Variants in MPPED2 observed in about 807,000 individuals in gnomAD.
MPPED2 encodes the protein metallophosphoesterase domain containing 2, also known as metallophosphoesterase MPPED2.
A neutral mutation model predicts 33.0 loss-of-function variants in MPPED2; 5 were observed. The observed-to-expected ratio is 0.15, with a 90% CI of 0.08 to 0.32. The LOEUF (loss-of-function observed/expected upper bound fraction) is 0.32. MPPED2 is among the 10% of genes least tolerant of loss of function. MPPED2 has a pLI of 1.00. For missense variants in MPPED2, 275 were observed against 372.1 expected, an observed-to-expected ratio of 0.74 and a Z score of 2.15; for synonymous variants, 136 against 141.9, an observed-to-expected ratio of 0.96 and a Z score of 0.29.
At chr11:30,465,380 C>T (rs1008014169) in intron 4 of MPPED2, among the ~76,000 whole-genome samples, 5 of 152,210 alleles carry the variant, frequency 3.3e-5, no homozygotes, top group African/African-American at 1.2e-4. Flanking sequence ...ATCAGCCTCC[C>T]TGGCTCAAGC....
chr11:30,579,929 A>G (rs1957091096), intron 2 of MPPED2, among the ~76,000 whole-genome samples: 1 of 152,132 alleles, frequency 6.6e-6, no homozygotes, highest in South Asian at 2.1e-4. Flanking sequence ...AGTCTCAGGC[A>G]AATTCGCTGT....
At chr11:30,464,274 C>CACACACACAA (rs1219639630) in intron 4 of MPPED2, among the ~76,000 whole-genome samples, 10 of 149,950 alleles carry the variant, frequency 6.7e-5, no homozygotes, top group African/African-American at 2.5e-4. Flanking sequence ...TACTAACACA[C>CACACACACAA]ACACACACAC....
At position 30,569,334 on chromosome 11, in the gene MPPED2, T is replaced by C. The variant is rs1956592654; in HGVS notation, c.128+10912A>G. Among the ~76,000 whole-genome samples, 21 of 152,204 alleles carry C rather than the reference T, an allele frequency of 1.4e-4. 1 individual carries two copies. The highest frequency in any genetic ancestry group is 1.4e-3 in the Admixed American group (21 of 15,280). ...AACAGGATACCCAAGCCTTTACATGTATTTTACATGAAGAAAGCATTAGAC... is the reference window on the plus strand; with the variant it reads ...AACAGGATACCCAAGCCTTTACATGCATTTTACATGAAGAAAGCATTAGAC... On this transcript the variant is annotated intron_variant, in intron 2 of 6. Coordinates refer to ENST00000358117, the MANE Select transcript of MPPED2 (RefSeq NM_001584.3).
chr11:30,489,315 T>A (rs191408323), intron 4 of MPPED2, among the ~76,000 whole-genome samples: 1 of 152,370 alleles, frequency 6.6e-6, no homozygotes, highest in Non-Finnish European at 1.5e-5. Context: ...CATAAAGTAC[T>A]ATTGCACTGA....
intron 2 of MPPED2, among the ~76,000 whole-genome samples, chr11:30,539,732 C>T (rs113405324): frequency 0.024 from 3,703 of 152,228 alleles, 135 homozygotes; most frequent in African/African-American, 0.084. Context: ...GCAATCCTCC[C>T]ACCGCAGCTT....
chr11:30,483,484 CA>C (rs1951583892), intron 4 of MPPED2, among the ~76,000 whole-genome samples: 1 of 151,966 alleles, frequency 6.6e-6, no homozygotes, highest in Non-Finnish European at 1.5e-5. Context: ...ATCATAACAC[CA>C]AAGGAAAAGA....
At position 30,578,076 on chromosome 11, in the gene MPPED2, GT is replaced by G. The variant is rs199531271; in HGVS notation, c.128+2169del. 9.4e-3 allele frequency among the ~76,000 whole-genome samples: 1,428 copies of G among 152,296 alleles called. 28 individuals carry two copies. The highest frequency in any genetic ancestry group is 0.052 in the Admixed American group (800 of 15,298). ...AATAATAATGGAGGTGGTATAAAGTGTTGCCAAGTAACTTGGGCAGGCATGA... is the reference window on the plus strand; with the variant it reads ...AATAATAATGGAGGTGGTATAAAGTGTGCCAAGTAACTTGGGCAGGCATGA... On this transcript the variant is annotated intron_variant, in intron 2 of 6. Transcript: ENST00000358117.
intron 6 of MPPED2, among the ~76,000 whole-genome samples, chr11:30,389,881 C>G (rs1331199668): frequency 6.6e-6 from 1 of 152,076 alleles, no homozygotes; most frequent in African/African-American, 2.4e-5. Flanking sequence ...TAATTTGGGG[C>G]ATCAGAGTAC....
intron 2 of MPPED2, 138 bp downstream of exon 2, chr11:30,580,108 G>T (rs993427770): frequency 2.3e-6 from 2 of 852,406 alleles, no homozygotes; most frequent in South Asian, 1.9e-5. Context: ...AGCTGTATTT[G>T]AAACCACAGA....
chr11:30,545,338 A>G (rs1225466011), intron 2 of MPPED2, among the ~76,000 whole-genome samples: 1 of 152,166 alleles, frequency 6.6e-6, no homozygotes, highest in Non-Finnish European at 1.5e-5. Flanking sequence ...CAAAGGAGAG[A>G]ATGTGAAGGC....
intron 4 of MPPED2, among the ~76,000 whole-genome samples, chr11:30,462,137 T>G (rs1001126406): frequency 1.3e-5 from 2 of 152,222 alleles, no homozygotes; most frequent in African/African-American, 4.8e-5. Context: ...GGCACATTTC[T>G]GAGAAAACAA....
chr11:30,561,142 A>G (rs1181484286), intron 2 of MPPED2, among the ~76,000 whole-genome samples: 4 of 151,848 alleles, frequency 2.6e-5, no homozygotes, highest in African/African-American at 9.7e-5. Flanking sequence ...GTGTGCATAT[A>G]CACACACACA....
At chr11:30,504,837 A>G (rs1368710215) in intron 3 of MPPED2, 2 of 1,269,426 alleles carry the variant, frequency 1.6e-6, no homozygotes, top group South Asian at 2.5e-5. Context: ...ACCAGGTCTA[A>G]GAAATATTAA....
At chr11:30,535,946 C>A in intron 3 of MPPED2, 48 bp downstream of exon 3, 1 of 1,496,602 alleles carries the variant, frequency 6.7e-7, no homozygotes, top group South Asian at 1.4e-5. Flanking sequence ...GAGTGACACT[C>A]GGACGGGAAA....
chr11:30,492,789 A>C (rs1590547450), intron 4 of MPPED2, among the ~76,000 whole-genome samples: 1 of 152,182 alleles, frequency 6.6e-6, no homozygotes, highest in South Asian at 2.1e-4. Context: ...GCCACCCCTC[A>C]GTCATGCTGT....
chr11:30,423,201 G>A (rs1948687305), intron 4 of MPPED2, among the ~76,000 whole-genome samples: 1 of 152,174 alleles, frequency 6.6e-6, no homozygotes, highest in South Asian at 2.1e-4. Context: ...AAACTTCAGT[G>A]GGGGCTGGGT....
In MPPED2 at chr11:30,582,494, G is replaced by A. The variant is rs150117545; in HGVS notation, c.-121-2000C>T. On this transcript the variant is annotated intron_variant, in intron 1 of 6. Coordinates refer to ENST00000358117, the MANE Select transcript of MPPED2 (RefSeq NM_001584.3). ...AGGAAATCAAATTCATGTCTAGACC[G>A]CTGTGACCTCTGAGTAACAATCTCT... Among the ~76,000 whole-genome samples, 630 of 152,252 alleles carry A rather than the reference G, an allele frequency of 4.1e-3. 2 individuals are homozygous for A. Among genetic ancestry groups the A allele is most frequent in the Middle Eastern group, 0.017 (5 of 294 alleles).
chr11:30,413,909 A>AC (rs1948225020), intron 6 of MPPED2, among the ~76,000 whole-genome samples: 1 of 152,130 alleles, frequency 6.6e-6, no homozygotes, highest in Non-Finnish European at 1.5e-5. Context: ...CTCCTTGTAT[A>AC]CCTTGGGGTT....
intron 4 of MPPED2, among the ~76,000 whole-genome samples, chr11:30,493,346 G>A (rs1952077401): frequency 6.6e-6 from 1 of 150,964 alleles, no homozygotes; most frequent in South Asian, 2.1e-4. Context: ...ACTCCCGCCT[G>A]GGCGACAGAA....
Sources: gnomAD v4.1 joint callset for allele counts (sites outside exome capture counted in the v4.1 genomes callset) on GRCh38, gnomAD v4.1.1 for gene constraint, MANE v1.5 for transcripts, NCBI Gene and HGNC (gene_info 2026-07-23, HGNC 2026-07-21) for gene names.